Variants in TRIP4 observed in about 807,000 individuals in gnomAD.
The protein encoded by TRIP4 is activating signal cointegrator 1.
In TRIP4, 54 loss-of-function variants were observed where a neutral mutation model predicts 81.8. That is an observed-to-expected ratio of 0.66 (90% CI 0.53 to 0.83). The LOEUF is 0.83. Ranked by LOEUF, TRIP4 falls within the 40% of genes least tolerant of loss-of-function variation. TRIP4 has a pLI of 0.00. For missense variants in TRIP4, 662 were observed against 683.6 expected (o/e 0.97, Z 0.35); for synonymous variants, 270 against 242.8 (o/e 1.11, Z -1.04).
At chr15:64,432,971 T>C (rs1008868037) in intron 11 of TRIP4, among the ~76,000 whole-genome samples, 1 of 151,966 alleles carries the variant, frequency 6.6e-6, no homozygotes. Flanking sequence ...CTATTATAAA[T>C]CAGGCACTGT....
In TRIP4 at chr15:64,395,519, T is replaced by C. The variant is rs750011700; in HGVS notation, c.393T>C (p.Phe131=). 2.2e-5 allele frequency: 35 copies of C among 1,610,528 alleles called. No homozygotes were observed. The Middle Eastern group carries it at 4.9e-4, about 23-fold the overall frequency. The part of the protein sequence containing the change: ...PDTTAEVKTP[F]DLAKAQENSN... ...CGACTGCAGAGGTTAAAACACCTTT[T>C]GATTTGGCCAAGGTGAGTGCTTATA... The change falls in exon 3 of 13, where the codon TTT becomes TTC. Residue 131 remains phenylalanine, a synonymous_variant. Transcript: ENST00000261884.
At chr15:64,409,534 T>C in intron 6 of TRIP4, 79 bp from the exon 7 acceptor site, 2 of 1,361,864 alleles carry the variant, frequency 1.5e-6, no homozygotes, top group South Asian at 2.5e-5. Flanking sequence ...GATATTAAGT[T>C]ACCTTGAAAC....
At chr15:64,437,135 T>A (rs1049807407) in intron 11 of TRIP4, among the ~76,000 whole-genome samples, 3 of 151,420 alleles carry the variant, frequency 2.0e-5, no homozygotes, top group African/African-American at 7.3e-5. Flanking sequence ...ATATGAAAAA[T>A]CTTGGCCGGG....
chr15:64,415,803 C>T (rs1431539260), intron 8 of TRIP4, among the ~76,000 whole-genome samples: 1 of 152,184 alleles, frequency 6.6e-6, no homozygotes, highest in Non-Finnish European at 1.5e-5. Flanking sequence ...CAGTAAGCAA[C>T]ACCTGATCAT....
chr15:64,388,127 A>G, intron 1 of TRIP4, 163 bp downstream of exon 1: 3 of 1,258,590 alleles, frequency 2.4e-6, no homozygotes, highest in Non-Finnish European at 3.0e-6. Context: ...TTTGTAGTTT[A>G]GTTTCTGGAA....
chr15:64,391,754 G>T (rs994319139), intron 1 of TRIP4, among the ~76,000 whole-genome samples: 2 of 151,646 alleles, frequency 1.3e-5, no homozygotes, highest in African/African-American at 4.8e-5. Flanking sequence ...TTGATCACTT[G>T]AGGTCAGGAG....
chr15:64,403,395 G>A (rs890361006), intron 5 of TRIP4, among the ~76,000 whole-genome samples: 1 of 151,930 alleles, frequency 6.6e-6, no homozygotes, highest in East Asian at 1.9e-4. Flanking sequence ...TCTTGACCTC[G>A]TGTTCCACCC....
chr15:64,421,994 G>A (rs1332916469), intron 9 of TRIP4, among the ~76,000 whole-genome samples: 2 of 150,636 alleles, frequency 1.3e-5, no homozygotes, highest in Non-Finnish European at 2.9e-5. Flanking sequence ...GGAGTGAGCC[G>A]AGATTGCCTG....
chr15:64,400,631 T>C, intron 4 of TRIP4, 112 bp from the exon 5 acceptor site: 2 of 767,260 alleles, frequency 2.6e-6, no homozygotes, highest in Admixed American at 2.6e-5. Context: ...ACACCAATAG[T>C]CTCATTATTT....
intron 11 of TRIP4, among the ~76,000 whole-genome samples, chr15:64,443,681 A>AT (rs1298699337): frequency 6.6e-6 from 1 of 152,162 alleles, no homozygotes; most frequent in Non-Finnish European, 1.5e-5. Context: ...TACCGTGAAC[A>AT]TTTGACCCTG....
rs1168892359 is a variant in TRIP4 at position 64,418,851 on chromosome 15, A to G, written c.1358+123A>G. ...TGATTTATAATACTCTTCAATAAAT[A>G]GAACTTTGAACAACATATTCATGTT... On this transcript the variant is annotated intron_variant, in intron 9 of 12. Transcript: ENST00000261884. 1.2e-5 allele frequency: 11 copies of G among 898,544 alleles called. No homozygotes were observed. The East Asian group carries it at 2.9e-4, about 23-fold the overall frequency. 55.7% of individuals were successfully genotyped at this position (898,544 alleles called of 1,614,324 possible). A position where few individuals can be genotyped will look rare whatever the true frequency, so the allele number is the denominator to read the frequency against.
intron 3 of TRIP4, among the ~76,000 whole-genome samples, chr15:64,396,850 GC>G (rs1218685751): frequency 6.6e-6 from 1 of 152,196 alleles, no homozygotes; most frequent in African/African-American, 2.4e-5. Context: ...ATATGAGTTT[GC>G]AGTCCTGCCA....
intron 1 of TRIP4, 183 bp downstream of exon 1, chr15:64,388,147 C>T (rs1900005680): frequency 9.0e-6 from 10 of 1,105,852 alleles, no homozygotes; most frequent in South Asian, 8.9e-5. Flanking sequence ...ATAGGGTGTC[C>T]GGCTCCACAG....
intron 4 of TRIP4, among the ~76,000 whole-genome samples, chr15:64,399,487 C>A (rs1040738594): frequency 1.3e-5 from 2 of 151,902 alleles, no homozygotes; most frequent in African/African-American, 4.8e-5. Flanking sequence ...TAATGTAAAG[C>A]AGATTGGCCT....
intron 4 of TRIP4, among the ~76,000 whole-genome samples, chr15:64,400,146 T>C (rs1891456435): frequency 6.6e-6 from 1 of 151,478 alleles, no homozygotes; most frequent in South Asian, 2.1e-4. Flanking sequence ...AGATGTCTTA[T>C]TAGAAAGAAC....
At chr15:64,443,664 A>T (rs961201617) in intron 11 of TRIP4, among the ~76,000 whole-genome samples, 1 of 152,164 alleles carries the variant, frequency 6.6e-6, no homozygotes, top group Non-Finnish European at 1.5e-5. Flanking sequence ...CTGTAGCCTT[A>T]CTTTTCTACC....
chr15:64,408,468 C>T (rs1891683854), intron 6 of TRIP4, among the ~76,000 whole-genome samples: 1 of 150,818 alleles, frequency 6.6e-6, no homozygotes, highest in South Asian at 2.1e-4. Flanking sequence ...ACCGTGTTAG[C>T]CAGGATGGTC....
chr15:64,423,937 A>C, intron 9 of TRIP4, 94 bp from the exon 10 acceptor site: 11 of 1,500,300 alleles, frequency 7.3e-6, no homozygotes, highest in Non-Finnish European at 1.0e-5. Context: ...TCTTGGTTCA[A>C]CTGGATAATT....
chr15:64,454,852 ACT>A (rs1188264680), intron 12 of TRIP4, 143 bp from the exon 13 acceptor site: 21 of 672,010 alleles, frequency 3.1e-5, no homozygotes, highest in Non-Finnish European at 5.2e-6. Flanking sequence ...ACAGAATGAA[ACT>A]CTGAAGTTTG....
Sources: gnomAD v4.1 joint callset for allele counts (sites outside exome capture counted in the v4.1 genomes callset) on GRCh38, gnomAD v4.1.1 for gene constraint, MANE v1.5 for transcripts, NCBI Gene and HGNC (gene_info 2026-07-23, HGNC 2026-07-21) for gene names.